Variants in BMPR2 observed in about 807,000 individuals in gnomAD.
BMPR2 encodes bone morphogenetic protein receptor type-2.
A neutral mutation model predicts 100.8 loss-of-function variants in BMPR2; 29 were observed. The ratio of observed to expected loss-of-function variants is 0.29; its 90% CI spans 0.21 to 0.39. The LOEUF (loss-of-function observed/expected upper bound fraction) is 0.39, where lower values mean the gene tolerates loss of function less well. BMPR2 is among the 10% of genes least tolerant of loss of function. BMPR2 has a pLI of 1.00. For synonymous variants in BMPR2, 382 were observed against 442.3 expected (o/e 0.86, Z 1.71); for missense variants, 1,011 against 1,274.5 (o/e 0.79, Z 3.15).
intron 1 of BMPR2, among the ~76,000 whole-genome samples, chr2:202,435,376 C>CATACATATATATATATATAT (rs1553500538): frequency 1.9e-5 from 2 of 103,450 alleles, no homozygotes; most frequent in African/African-American, 8.4e-5. Flanking sequence ...AAAAAAAATA[C>CATACATATATATATATATAT]ATATATATAT....
chr2:202,376,533 G>GGCGGCGGCGGCGGCA lies in BMPR2; in HGVS notation c.-939_-925dup, dbSNP rs1250617827. Among the ~76,000 whole-genome samples the GGCGGCGGCGGCGGCA allele has an allele frequency of 7.0e-6, 1 of 142,818 alleles. No homozygotes were observed. The highest frequency in any genetic ancestry group is 1.5e-5 in the Non-Finnish European group (1 of 65,540). The allele number at this position is 142,818 out of a possible 152,430, so 93.7% of individuals were successfully genotyped here. On this transcript the variant is annotated 5_prime_UTR_variant, in exon 1 of 13. Transcript: ENST00000374580. ...ACGAGGCGGCGGCGGCGGCGGCGGC[G>GGCGGCGGCGGCGGCA]GCGGCGGCGGCGGCAGCAGCAGCGG... is the stretch of plus-strand genomic sequence containing the variant.
chr2:202,397,243 C>T (rs946225345), intron 1 of BMPR2, among the ~76,000 whole-genome samples: 1 of 152,008 alleles, frequency 6.6e-6, no homozygotes, highest in African/African-American at 2.4e-5. Flanking sequence ...GGAGACACCA[C>T]TAGGAAAAAA....
rs919265524 is a variant in BMPR2, at chr2:202,437,075, G to T, written c.77-27734G>T. On this transcript the variant is annotated intron_variant, in intron 1 of 12. Coordinates refer to ENST00000374580, the MANE Select transcript of BMPR2 (RefSeq NM_001204.7). ...GGCTGGAGTGCAGTGGCGTGATCTCGGCTCACTGCAACCTCTGTCTCCCAG... is the reference window on the plus strand; with the variant it reads ...GGCTGGAGTGCAGTGGCGTGATCTCTGCTCACTGCAACCTCTGTCTCCCAG... Among the ~76,000 whole-genome samples, 2 of 150,214 alleles carry T rather than the reference G, an allele frequency of 1.3e-5. 1 individual carries two copies. The highest frequency in any genetic ancestry group is 5.0e-5 in the African/African-American group (2 of 39,684).
chr2:202,528,433 C>T (rs753584485), intron 7 of BMPR2, among the ~76,000 whole-genome samples: 8 of 152,144 alleles, frequency 5.3e-5, no homozygotes, highest in Admixed American at 1.3e-4. Context: ...GTGATCCACC[C>T]GCCTCAGCCT....
chr2:202,543,534 T>C (rs751732527), intron 10 of BMPR2, among the ~76,000 whole-genome samples: 18 of 151,784 alleles, frequency 1.2e-4, no homozygotes, highest in Non-Finnish European at 2.5e-4. Flanking sequence ...AATGATTCTA[T>C]TGGATGATAT....
At chr2:202,491,792 A>G (rs953576043) in intron 3 of BMPR2, among the ~76,000 whole-genome samples, 1 of 152,152 alleles carries the variant, frequency 6.6e-6, no homozygotes, top group Non-Finnish European at 1.5e-5. Flanking sequence ...TGTACAGCCT[A>G]TTTGTCTGCT....
intron 2 of BMPR2, chr2:202,467,116 C>T (rs1289272691): frequency 3.4e-5 from 9 of 266,912 alleles, no homozygotes; most frequent in Admixed American, 5.1e-5. Flanking sequence ...CAAAATTAGC[C>T]GGGCATGGTG....
rs371674035 is a variant in BMPR2, at chr2:202,424,424, G to A, written c.77-40385G>A. Among the ~76,000 whole-genome samples, 78 of 149,254 alleles carry A rather than the reference G, an allele frequency of 5.2e-4. 1 individual carries two copies. The South Asian group carries it at 0.016, about 30-fold the overall frequency. ...TATAAGCTGTGGCCCTAGGTCTGGC[G>A]TGGTGGCTCACGCTTGTAATCCCAG... On this transcript the variant is annotated intron_variant, in intron 1 of 12. Coordinates refer to ENST00000374580, the MANE Select transcript of BMPR2 (RefSeq NM_001204.7).
intron 3 of BMPR2, among the ~76,000 whole-genome samples, chr2:202,475,874 C>G (rs1015956500): frequency 2.6e-5 from 4 of 151,726 alleles, no homozygotes; most frequent in Admixed American, 1.3e-4. Flanking sequence ...AGTTTGAGAC[C>G]AGACTGATCA....
Position 202,560,151 on chromosome 2 carries a change from T to G in BMPR2, c.*205T>G. On this transcript the variant is annotated 3_prime_UTR_variant, in exon 13 of 13. Transcript: ENST00000374580. ...TTTTTAAATTTTGTTTTTTAAGTTT[T>G]GCACTTTTGTTTAGTCTCGCTAAAG... 1.5e-6 allele frequency: 1 copy of G among 648,632 alleles called. No homozygotes were observed. The highest frequency in any genetic ancestry group is 2.6e-6 in the Non-Finnish European group (1 of 391,334). The allele number at this position is 648,632 out of a possible 1,614,324, so 40.2% of individuals were successfully genotyped here. A position where few individuals can be genotyped will look rare whatever the true frequency, so the allele number is the denominator to read the frequency against.
rs1688548522 is a variant in BMPR2 at position 202,555,410 on chromosome 2, A to C, written c.1745A>C (p.Lys582Thr). Residue 582 changes from lysine to threonine, a missense_variant, in exon 12 of 13, where the codon AAA becomes ACA. Coordinates refer to ENST00000374580, the MANE Select transcript of BMPR2 (RefSeq NM_001204.7). Reference protein sequence around the residue: ...MSSTPLTIGEKNRNSINYERQ... With the variant: ...MSSTPLTIGETNRNSINYERQ... ...AGCACACCTTTGACTATAGGGGAAA[A>C]AAACCGAAATTCAATTAACTATGAA... 6 of 1,614,212 alleles carry C rather than the reference A, an allele frequency of 3.7e-6. No homozygotes were observed. Among genetic ancestry groups the C allele is most frequent in the Non-Finnish European group, 5.1e-6 (6 of 1,180,032 alleles).
chr2:202,477,788 A>AAAATAAAT (rs539218422), intron 3 of BMPR2, among the ~76,000 whole-genome samples: 2 of 152,088 alleles, frequency 1.3e-5, no homozygotes, highest in African/African-American at 4.8e-5. Context: ...CTCCATCTCC[A>AAAATAAAT]AAATAAATAA....
At chr2:202,393,469 T>C (rs72925043) in intron 1 of BMPR2, among the ~76,000 whole-genome samples, 24,675 of 152,020 alleles carry the variant, frequency 0.16, 2,401 homozygotes, top group Middle Eastern at 0.24. Flanking sequence ...AAAATATATA[T>C]ATTTTTTTGT....
intron 1 of BMPR2, among the ~76,000 whole-genome samples, chr2:202,392,570 A>G (rs995962070): frequency 2.0e-5 from 3 of 152,220 alleles, no homozygotes; most frequent in South Asian, 2.1e-4. Context: ...TAGGTGACCA[A>G]TATCAATTGG....
At chr2:202,514,326 C>A (rs989052746) in intron 4 of BMPR2, among the ~76,000 whole-genome samples, 10 of 152,094 alleles carry the variant, frequency 6.6e-5, no homozygotes, top group Admixed American at 2.6e-4. Flanking sequence ...TTAGTAGAGA[C>A]GGGGTTTCAC....
intron 3 of BMPR2, among the ~76,000 whole-genome samples, chr2:202,485,439 G>A (rs571824429): frequency 6.7e-6 from 1 of 149,878 alleles, no homozygotes; most frequent in East Asian, 2.1e-4. Context: ...ACAGGTTTCA[G>A]TAAATCATTG....
chr2:202,469,497 G>C (rs922905239), intron 3 of BMPR2: 1 of 320,306 alleles, frequency 3.1e-6, no homozygotes, highest in African/African-American at 2.2e-5. Context: ...TTATTTTTTT[G>C]AGACAGAATC....
chr2:202,473,795 T>TAAATAAAATAAAATA (rs537405726), intron 3 of BMPR2, among the ~76,000 whole-genome samples: 14 of 124,152 alleles, frequency 1.1e-4, no homozygotes, highest in Non-Finnish European at 1.7e-4. Flanking sequence ...TGTCTCAAAA[T>TAAATAAAATAAAATA]AAATAAAATA....
At chr2:202,418,757 C>T (rs1691192693) in intron 1 of BMPR2, among the ~76,000 whole-genome samples, 1 of 152,126 alleles carries the variant, frequency 6.6e-6, no homozygotes, top group African/African-American at 2.4e-5. Context: ...AATGAAGCTT[C>T]CTTGTAGCAG....
Sources: allele counts gnomAD v4.1 joint callset (sites outside exome capture counted in the v4.1 genomes callset), GRCh38; gene constraint gnomAD v4.1.1; transcripts MANE v1.5; gene names NCBI Gene and HGNC (gene_info 2026-07-23, HGNC 2026-07-21).